NANS: variants seen among roughly 807,000 people sequenced by gnomAD.
NANS encodes N-acetylneuraminate-9-phosphate synthase.
Under a neutral mutation model 33.3 loss-of-function variants are expected in NANS, and 29 were observed. That is an observed-to-expected ratio of 0.87 (90% confidence interval 0.65 to 1.19). The LOEUF (loss-of-function observed/expected upper bound fraction) is 1.19, where lower values mean the gene tolerates loss of function less well. NANS is among the 50% of genes most tolerant of loss of function. The pLI, the probability that NANS is intolerant of heterozygous loss-of-function variation, is 0.00. For missense variants in NANS, 394 were observed against 461.1 expected, an observed-to-expected ratio of 0.85 and a Z score of 1.33; for synonymous variants, 163 against 177.2, an observed-to-expected ratio of 0.92 and a Z score of 0.64.
In NANS at chr9:98,081,025, T is replaced by C. The variant is rs1010239881; in HGVS notation, c.813T>C (p.Arg271=). Reference sequence around the variant, plus strand: ...TGCGGTCAGTGCGTCTTGTGGAGCGTGCCCTGGGCTCCCCAACCAAGCAGC... The same window carrying C: ...TGCGGTCAGTGCGTCTTGTGGAGCGCGCCCTGGGCTCCCCAACCAAGCAGC... ...ELVRSVRLVE[R]ALGSPTKQLL... Residue 271 remains arginine (R), a synonymous_variant, in exon 5 of 6, where the codon CGT becomes CGC. Transcript: ENST00000210444. The C allele has an allele frequency of 1.2e-6, 2 of 1,614,204 alleles. No homozygotes were observed. The highest frequency in any genetic ancestry group is 1.7e-6 in the Non-Finnish European group (2 of 1,180,040).
At chr9:98,062,401 C>T (rs1432001015) in intron 2 of NANS, among the ~76,000 whole-genome samples, 2 of 152,020 alleles carry the variant, frequency 1.3e-5, no homozygotes, top group Non-Finnish European at 2.9e-5. Context: ...GGTCTCAGGT[C>T]CCATCTGCTC....
At chr9:98,069,080 A>T (rs1478370901) in intron 2 of NANS, among the ~76,000 whole-genome samples, 1 of 152,146 alleles carries the variant, frequency 6.6e-6, no homozygotes, top group African/African-American at 2.4e-5. Context: ...ACCAGTTGTC[A>T]TTTGGTAATT....
intron 3 of NANS, 26 bp from the exon 4 acceptor site, chr9:98,078,167 G>T: frequency 6.2e-7 from 1 of 1,614,104 alleles, no homozygotes; most frequent in Non-Finnish European, 8.5e-7. Context: ...AGAAAGTGCT[G>T]ATGGTGTTGG....
chr9:98,080,763 T>A, intron 4 of NANS, 53 bp from the exon 5 acceptor site: 1 of 1,522,492 alleles, frequency 6.6e-7, no homozygotes, highest in Non-Finnish European at 8.8e-7. Flanking sequence ...ACCTGGAGAA[T>A]ATGCATAAAG....
intron 2 of NANS, among the ~76,000 whole-genome samples, chr9:98,068,708 G>C (rs1829223210): frequency 6.6e-6 from 1 of 151,670 alleles, no homozygotes; most frequent in African/African-American, 2.4e-5. Context: ...AGCTGCTTGG[G>C]AGGCTGAGGC....
At chr9:98,063,544 G>GT (rs959538816) in intron 2 of NANS, among the ~76,000 whole-genome samples, 4 of 149,334 alleles carry the variant, frequency 2.7e-5, no homozygotes, top group African/African-American at 4.9e-5. Context: ...GCCTGGCCTA[G>GT]TTTTTTTTGT....
chr9:98,070,351 C>T (rs1829286117), intron 2 of NANS, among the ~76,000 whole-genome samples: 1 of 152,140 alleles, frequency 6.6e-6, no homozygotes, highest in Non-Finnish European at 1.5e-5. Flanking sequence ...CTCCTGACCT[C>T]AGGTGATCTG....
intron 2 of NANS, among the ~76,000 whole-genome samples, chr9:98,065,578 A>G (rs1459683121): frequency 7.1e-6 from 1 of 140,432 alleles, no homozygotes; most frequent in Non-Finnish European, 1.5e-5. Context: ...ACCTCAGGTG[A>G]TCCACCCTTC....
chr9:98,059,092 C>T lies in NANS; in HGVS notation c.133-1690C>T, dbSNP rs373841880. Reference sequence around the variant, plus strand: ...AGGCTGGAGTGCAGTGGCGTGATCTCGGCTTACTGCAAGCTCCGCCTCCTG... The same window carrying T: ...AGGCTGGAGTGCAGTGGCGTGATCTTGGCTTACTGCAAGCTCCGCCTCCTG... On this transcript the variant is annotated intron_variant, in intron 1 of 5. Coordinates refer to ENST00000210444, the MANE Select transcript of NANS (RefSeq NM_018946.4). Among the ~76,000 whole-genome samples the T allele has an allele frequency of 8.7e-4, 131 of 149,868 alleles. 1 individual carries two copies. The South Asian group carries it at 0.026, about 30-fold the overall frequency.
At chr9:98,064,364 G>T (rs890360243) in intron 2 of NANS, among the ~76,000 whole-genome samples, 2 of 151,458 alleles carry the variant, frequency 1.3e-5, no homozygotes, top group South Asian at 4.2e-4. Context: ...AGTTATTCTC[G>T]TGCCTCAGCC....
chr9:98,079,050 C>T (rs1346307347), intron 4 of NANS, among the ~76,000 whole-genome samples: 2 of 152,098 alleles, frequency 1.3e-5, no homozygotes, highest in Admixed American at 6.6e-5. Flanking sequence ...CCCTGAGGCT[C>T]ATACTAGTTA....
chr9:98,081,265 T>C, intron 5 of NANS, 183 bp downstream of exon 5: 5 of 753,840 alleles, frequency 6.6e-6, no homozygotes, highest in Non-Finnish European at 1.0e-5. Context: ...CTCTGGCCTG[T>C]AGCAGCAGCA....
chr9:98,073,737 T>C (rs998542698), intron 2 of NANS, among the ~76,000 whole-genome samples: 26 of 151,974 alleles, frequency 1.7e-4, no homozygotes, highest in African/African-American at 6.3e-4. Context: ...AGTACAGAAA[T>C]GGGGTTCTGT....
rs537878592 is a variant in NANS at position 98,059,797 on chromosome 9, T to C, written c.133-985T>C. ...TTGCCTCTGCTCAGTAGAAGTCATC[T>C]AGGGGCTGGGGCATTTTTGTTTTGT... On this transcript the variant is annotated intron_variant, in intron 1 of 5. Coordinates refer to ENST00000210444, the MANE Select transcript of NANS (RefSeq NM_018946.4). 1.8e-4 allele frequency among the ~76,000 whole-genome samples: 28 copies of C among 152,250 alleles called. 2 individuals are homozygous for C. The highest frequency in any genetic ancestry group is 6.7e-4 in the African/African-American group (28 of 41,556).
rs1409938898 is a variant in NANS, at chr9:98,056,941, G to T, written c.132+1G>T. ...CAAGCGCATGATCCGCATGGCCAAG[G>T]TGAGGCGGCAGCTCCCGGGACCCGG... On this transcript the variant is annotated splice_donor_variant, in intron 1 of 5. Coordinates refer to ENST00000210444, the MANE Select transcript of NANS (RefSeq NM_018946.4). LOFTEE classifies it high-confidence loss of function. The T allele has an allele frequency of 1.3e-6, 2 of 1,585,282 alleles. No homozygotes were observed. The highest frequency in any genetic ancestry group is 1.7e-6 in the Non-Finnish European group (2 of 1,165,674).
rs187071020 is a variant in NANS at position 98,064,499 on chromosome 9, G to A, written c.348+3502G>A. 5.9e-5 allele frequency among the ~76,000 whole-genome samples: 9 copies of A among 152,006 alleles called. No homozygotes were observed. The East Asian group carries it at 7.8e-4, about 13-fold the overall frequency. On this transcript the variant is annotated intron_variant, in intron 2 of 5. Transcript: ENST00000210444. Reference sequence around the variant, plus strand: ...TTGAACTCCTGACCTTCAGTGATCCGCCTGCCTCGGCCTCCCAAAGTTCTG... The same window carrying A: ...TTGAACTCCTGACCTTCAGTGATCCACCTGCCTCGGCCTCCCAAAGTTCTG...
At chr9:98,059,275 G>A (rs1041508007) in intron 1 of NANS, among the ~76,000 whole-genome samples, 20 of 152,076 alleles carry the variant, frequency 1.3e-4, no homozygotes, top group African/African-American at 2.7e-4. Flanking sequence ...TGCCCACCTC[G>A]GCCTCCCAGA....
chr9:98,066,547 T>C (rs980931176), intron 2 of NANS, among the ~76,000 whole-genome samples: 2 of 152,144 alleles, frequency 1.3e-5, no homozygotes, highest in Non-Finnish European at 2.9e-5. Flanking sequence ...CAACCATTAA[T>C]ACAATTACCG....
Position 98,077,930 on chromosome 9 carries a change from G to A in NANS, c.449-263G>A, listed in dbSNP as rs116261316. 5.8e-3 allele frequency: 2,884 copies of A among 497,360 alleles called. 68 individuals are homozygous for A. The highest frequency in any genetic ancestry group is 0.051 in the African/African-American group (2,666 of 52,128). 30.8% of individuals were successfully genotyped at this position (497,360 alleles called of 1,614,324 possible). On this transcript the variant is annotated intron_variant, in intron 3 of 5. Transcript: ENST00000210444. ...AGATAAGATACTCATTTTCCTCTTGGCAGTGTGAAATTCCTCTGCCTCTTT... is the reference window on the plus strand; with the variant it reads ...AGATAAGATACTCATTTTCCTCTTGACAGTGTGAAATTCCTCTGCCTCTTT...
Sources: allele counts gnomAD v4.1 joint callset (sites outside exome capture counted in the v4.1 genomes callset), GRCh38; gene constraint gnomAD v4.1.1; transcripts MANE v1.5; gene names NCBI Gene and HGNC (gene_info 2026-07-23, HGNC 2026-07-21).